Variants in ANK3 observed in about 807,000 individuals in gnomAD.
The protein encoded by ANK3 is ankyrin 3.
A neutral mutation model predicts 370.9 loss-of-function variants in ANK3; 57 were observed. That is an observed-to-expected ratio of 0.15 (90% confidence interval 0.12 to 0.19). The LOEUF (loss-of-function observed/expected upper bound fraction) is 0.19, where lower values mean the gene tolerates loss of function less well. Among genes scored for constraint, ANK3 ranks in the 10% least tolerant of loss-of-function variants. The pLI, the probability that ANK3 is intolerant of heterozygous loss-of-function variation, is 1.00. For missense variants in ANK3, 4,439 were observed against 5,302.1 expected (o/e 0.84, Z 5.06); for synonymous variants, 1,929 against 1,946.3 (o/e 0.99, Z 0.23).
intron 2 of ANK3, among the ~76,000 whole-genome samples, chr10:60,527,355 C>A (rs12254637): frequency 1.3e-5 from 2 of 152,022 alleles, no homozygotes; most frequent in African/African-American, 4.8e-5. Context: ...TGTAACCATA[C>A]GCAGGAGAAG....
intron 1 of ANK3, among the ~76,000 whole-genome samples, chr10:60,320,703 A>C (rs775558924): frequency 2.0e-4 from 30 of 152,204 alleles, no homozygotes; most frequent in Non-Finnish European, 3.7e-4. Flanking sequence ...AGAGCATGGC[A>C]CCACCTATAG....
At chr10:60,057,613 C>T (rs111334014) in intron 41 of ANK3, among the ~76,000 whole-genome samples, 4 of 152,164 alleles carry the variant, frequency 2.6e-5, no homozygotes, top group Non-Finnish European at 5.9e-5. Context: ...TGCTTGCCGG[C>T]GTTCTCCTAC....
chr10:60,130,971 G>C (rs1401132201), intron 25 of ANK3, among the ~76,000 whole-genome samples: 1 of 152,080 alleles, frequency 6.6e-6, no homozygotes, highest in Non-Finnish European at 1.5e-5. Flanking sequence ...CTTCCACCTG[G>C]ATTCAACAAT....
Position 60,068,749 on chromosome 10 carries a change from A to G in ANK3, c.12132T>C (p.Gly4044=), listed in dbSNP as rs2082106863. 5.6e-6 allele frequency: 9 copies of G among 1,613,972 alleles called. No individual in the cohort carries two copies. The highest frequency in any genetic ancestry group is 1.3e-5 in the African/African-American group (1 of 74,986). The change falls in exon 37 of 44, where the codon GGT becomes GGC. Residue 4044 remains glycine, a synonymous_variant. Transcript: ENST00000280772. ...ACTTCGTTGTAACCGAAGGCTGGCC[A>G]CCCCGGGAAGTCTCGGACAACGACG... is the stretch of plus-strand genomic sequence containing the variant. ...RNTSLSETSR[G]GQPSVTTKSA... is the part of the protein sequence containing the mutation.
chr10:60,074,071 G>C lies in ANK3; in HGVS notation c.6810C>G (p.Thr2270=). ...GEGASERIEE[T]MSVHDIMKAF... ...CCTTCATGATGTCATGGACTGACAT[G>C]GTTTCTTCAATTCTTTCAGATGCAC... The change falls in exon 37 of 44, where the codon ACC becomes ACG. Residue 2270 remains threonine (T), a synonymous_variant. Coordinates refer to ENST00000280772, the MANE Select transcript of ANK3 (RefSeq NM_020987.5). 1.9e-6 allele frequency: 3 copies of C among 1,614,048 alleles called. No individual in the cohort carries two copies. Among genetic ancestry groups the C allele is most frequent in the Non-Finnish European group, 2.5e-6 (3 of 1,179,996 alleles).
At chr10:60,333,021 T>C (rs1298901429) in intron 1 of ANK3, among the ~76,000 whole-genome samples, 1 of 152,236 alleles carries the variant, frequency 6.6e-6, no homozygotes, top group Non-Finnish European at 1.5e-5. Flanking sequence ...GGCATTGAAG[T>C]ATAAAAACAT....
At position 60,166,811 on chromosome 10, in the gene ANK3, A is replaced by G. The variant is rs1329683130; in HGVS notation, c.2551+13T>C. On this transcript the variant is annotated intron_variant, in intron 22 of 43. Transcript: ENST00000280772. ...ACTTATAATTATTGTGAACTCAAAGAACATTTTCATACCTTCATCATCAGA... is the reference window on the plus strand; with the variant it reads ...ACTTATAATTATTGTGAACTCAAAGGACATTTTCATACCTTCATCATCAGA... 1.9e-6 allele frequency: 3 copies of G among 1,612,798 alleles called. No individual in the cohort carries two copies. The highest frequency in any genetic ancestry group is 2.5e-6 in the Non-Finnish European group (3 of 1,178,998).
At chr10:60,163,040 G>A (rs745316774) in intron 23 of ANK3, among the ~76,000 whole-genome samples, 4 of 152,046 alleles carry the variant, frequency 2.6e-5, no homozygotes, top group South Asian at 4.2e-4. Flanking sequence ...GGGAGGAGAC[G>A]CCAAACTCAA....
intron 2 of ANK3, among the ~76,000 whole-genome samples, chr10:60,588,458 C>T (rs2077864867): frequency 1.3e-5 from 2 of 151,530 alleles, no homozygotes; most frequent in South Asian, 4.2e-4. Context: ...GCTGGGATTA[C>T]AGGCGTGAGC....
At chr10:60,457,486 T>C (rs1683271339) in intron 2 of ANK3, among the ~76,000 whole-genome samples, 1 of 152,116 alleles carries the variant, frequency 6.6e-6, no homozygotes, top group African/African-American at 2.4e-5. Context: ...GTTCTAAAAT[T>C]GTGTTTATAT....
chr10:60,680,643 T>C (rs2079183082), intron 1 of ANK3, among the ~76,000 whole-genome samples: 7 of 152,190 alleles, frequency 4.6e-5, no homozygotes, highest in Admixed American at 4.6e-4. Context: ...TTAAATTTTG[T>C]TTTTAAACGC....
At chr10:60,606,951 C>T (rs1409640789) in intron 2 of ANK3, among the ~76,000 whole-genome samples, 1 of 152,190 alleles carries the variant, frequency 6.6e-6, no homozygotes, top group Non-Finnish European at 1.5e-5. Context: ...GTATGGAACA[C>T]ACCCAACAAG....
intron 23 of ANK3, chr10:60,144,230 A>C (rs1157049585): frequency 2.3e-6 from 1 of 443,750 alleles, no homozygotes; most frequent in Non-Finnish European, 4.5e-6. Flanking sequence ...TAACCAAAAC[A>C]AAAATGAGAA....
chr10:60,290,173 C>G (rs1353099216), intron 1 of ANK3, among the ~76,000 whole-genome samples: 1 of 152,198 alleles, frequency 6.6e-6, no homozygotes, highest in African/African-American at 2.4e-5. Context: ...CGGTGACATT[C>G]ATACTATAAT....
intron 1 of ANK3, among the ~76,000 whole-genome samples, chr10:60,326,749 C>T (rs754599017): frequency 6.6e-6 from 1 of 152,092 alleles, no homozygotes; most frequent in African/African-American, 2.4e-5. Context: ...CGACCGGGCG[C>T]GTTGACTCAT....
chr10:60,733,306 G>A (rs1242613092), exon 1 of ANK3: 3 of 1,236,338 alleles, frequency 2.4e-6, no homozygotes, highest in East Asian at 3.1e-5. Context: ...AGAGGAGGAG[G>A]CGGAGGAGGC....
At chr10:60,164,866 T>C (rs1239087109) in intron 23 of ANK3, among the ~76,000 whole-genome samples, 2 of 152,194 alleles carry the variant, frequency 1.3e-5, no homozygotes, top group Non-Finnish European at 2.9e-5. Context: ...AAAAGCCATT[T>C]GATTCCAATA....
intron 23 of ANK3, among the ~76,000 whole-genome samples, chr10:60,165,734 A>G (rs1194232798): frequency 1.3e-5 from 2 of 152,178 alleles, no homozygotes; most frequent in Non-Finnish European, 2.9e-5. Context: ...AACCAAAAGA[A>G]AGCTACTACA....
intron 2 of ANK3, among the ~76,000 whole-genome samples, chr10:60,502,837 T>C (rs1215425536): frequency 1.2e-5 from 1 of 84,844 alleles, no homozygotes; most frequent in African/African-American, 4.5e-5. Context: ...AAAGAAGGAG[T>C]AAGAGAAAGG....
Sources: gnomAD v4.1 joint callset for allele counts (sites outside exome capture counted in the v4.1 genomes callset) on GRCh38, gnomAD v4.1.1 for gene constraint, MANE v1.5 for transcripts, NCBI Gene and HGNC (gene_info 2026-07-23, HGNC 2026-07-21) for gene names.